MYH9: variants seen among roughly 807,000 people sequenced by gnomAD.
MYH9 encodes the protein myosin heavy chain 9, also known as myosin-9.
Under a neutral mutation model 241.9 loss-of-function variants are expected in MYH9, and 29 were observed. The ratio of observed to expected loss-of-function variants is 0.12; its 90% CI spans 0.09 to 0.16. The LOEUF is 0.16. Among genes scored for constraint, MYH9 ranks in the 10% least tolerant of loss-of-function variants. The probability of loss-of-function intolerance (pLI) is 1.00; values close to 1 mark genes in which losing one functional copy is unlikely to be tolerated. For missense variants in MYH9, 1,803 were observed against 2,595.5 expected (o/e 0.69, Z 6.63); for synonymous variants, 1,047 against 1,062.6 (o/e 0.99, Z 0.29).
chr22:36,303,800 A>G (rs866451472), intron 19 of MYH9, among the ~76,000 whole-genome samples, 195 bp downstream of exon 19: 50 of 151,644 alleles, frequency 3.3e-4, no homozygotes, highest in South Asian at 8.3e-4. Flanking sequence ...AAAAAAAAAA[A>G]AAAGAAAAAA....
chr22:36,292,272 G>T, intron 30 of MYH9, 38 bp from the exon 31 acceptor site: 9 of 1,611,726 alleles, frequency 5.6e-6, no homozygotes, highest in Non-Finnish European at 7.6e-6. Flanking sequence ...GCCCGAGATG[G>T]CACCTGCTCA....
rs1395501700 is a variant in MYH9, at chr22:36,294,167, C to G, written c.3762G>C (p.Leu1254=). 1 of 1,613,574 alleles carries G rather than the reference C, an allele frequency of 6.2e-7. No individual in the cohort carries two copies. The highest frequency in any genetic ancestry group is 8.5e-7 in the Non-Finnish European group (1 of 1,180,042). ...CGTTGAACTTGACCTGCAGCTCCTG[C>G]AGCTGCGCCTCCACTTTCTTGCGCT... is the stretch of plus-strand genomic sequence containing the variant. ...EHKRKKVEAQ[L]QELQVKFNEG... The change falls in exon 28 of 41, where the codon CTG becomes CTC. Residue 1254 remains leucine, a synonymous_variant. Coordinates refer to ENST00000216181, the MANE Select transcript of MYH9 (RefSeq NM_002473.6).
chr22:36,384,979 G>A (rs2018329323), intron 1 of MYH9, among the ~76,000 whole-genome samples: 1 of 152,016 alleles, frequency 6.6e-6, no homozygotes, highest in African/African-American at 2.4e-5. Flanking sequence ...AAGGGTTAAG[G>A]CTGAGAGGCA....
At chr22:36,298,781 C>T in intron 24 of MYH9, 138 bp downstream of exon 24, 3 of 1,321,758 alleles carry the variant, frequency 2.3e-6, no homozygotes, top group Non-Finnish European at 2.1e-6. Context: ...TAAAGGGCAG[C>T]AGCCAGTGCT....
At chr22:36,366,050 C>T (rs1445735227) in intron 1 of MYH9, among the ~76,000 whole-genome samples, 3 of 151,832 alleles carry the variant, frequency 2.0e-5, no homozygotes, top group Admixed American at 1.3e-4. Context: ...TAGCCAGGCA[C>T]GGTGGTGGGC....
chr22:36,380,875 G>C (rs533811466), intron 1 of MYH9, among the ~76,000 whole-genome samples: 1 of 152,318 alleles, frequency 6.6e-6, no homozygotes, highest in Non-Finnish European at 1.5e-5. Flanking sequence ...TGGAAACCTT[G>C]CAAGAGGGTA....
intron 1 of MYH9, among the ~76,000 whole-genome samples, chr22:36,367,426 A>G (rs756499500): frequency 1.9e-4 from 29 of 152,344 alleles, no homozygotes; most frequent in South Asian, 6.2e-4. Flanking sequence ...AGCCCTGGAC[A>G]TATAGAAGGC....
chr22:36,357,617 GT>G (rs2017876586), intron 1 of MYH9, among the ~76,000 whole-genome samples: 1 of 152,278 alleles, frequency 6.6e-6, no homozygotes, highest in Admixed American at 6.5e-5. Context: ...GATTGAAGGG[GT>G]TCGTGTGAAC....
chr22:36,282,924 A>C, intron 40 of MYH9, 139 bp from the exon 41 acceptor site: 1 of 747,362 alleles, frequency 1.3e-6, no homozygotes. Context: ...AGCAAAGTGG[A>C]GTCTTGGGAG....
At chr22:36,346,138 T>C (rs1399856507) in intron 2 of MYH9, among the ~76,000 whole-genome samples, 4 of 132,288 alleles carry the variant, frequency 3.0e-5, no homozygotes, top group African/African-American at 1.2e-4. Flanking sequence ...GGTGACAAAG[T>C]GAGACTCCGT....
At chr22:36,326,267 A>C (rs1329875634) in intron 5 of MYH9, among the ~76,000 whole-genome samples, 1 of 152,198 alleles carries the variant, frequency 6.6e-6, no homozygotes, top group Non-Finnish European at 1.5e-5. Flanking sequence ...CAGCCTCAGA[A>C]GGGGAGGACA....
intron 15 of MYH9, among the ~76,000 whole-genome samples, chr22:36,308,427 G>C (rs938394621): frequency 2.7e-5 from 4 of 150,572 alleles, no homozygotes; most frequent in African/African-American, 4.9e-5. Flanking sequence ...ATCACACCCA[G>C]CTGATTTTTT....
At chr22:36,362,447 T>A (rs1380290009) in intron 1 of MYH9, among the ~76,000 whole-genome samples, 1 of 152,100 alleles carries the variant, frequency 6.6e-6, no homozygotes, top group Non-Finnish European at 1.5e-5. Context: ...TGGGGTGTCC[T>A]CCACTAAGAT....
chr22:36,331,626 G>C (rs1166230273), intron 3 of MYH9, among the ~76,000 whole-genome samples: 1 of 152,330 alleles, frequency 6.6e-6, no homozygotes, highest in East Asian at 1.9e-4. Context: ...AGGCCACGAG[G>C]CTCGCAGAGC....
intron 19 of MYH9, among the ~76,000 whole-genome samples, chr22:36,303,557 C>T (rs572834119): frequency 2.7e-4 from 41 of 151,822 alleles, no homozygotes; most frequent in Non-Finnish European, 4.4e-5. Context: ...CTGAGGTGGG[C>T]GGATCACTTG....
chr22:36,385,816 G>A (rs905366371), intron 1 of MYH9, among the ~76,000 whole-genome samples: 1 of 152,176 alleles, frequency 6.6e-6, no homozygotes, highest in African/African-American at 2.4e-5. Flanking sequence ...ATTACACTGA[G>A]CAATCTCTCC....
At chr22:36,289,426 C>A in intron 31 of MYH9, 129 bp from the exon 32 acceptor site, 1 of 821,394 alleles carries the variant, frequency 1.2e-6, no homozygotes, top group Non-Finnish European at 1.9e-6. Context: ...CTAGGAAGCA[C>A]AGGCCCAGGG....
At chr22:36,351,055 A>G (rs932428949) in intron 1 of MYH9, among the ~76,000 whole-genome samples, 7 of 152,206 alleles carry the variant, frequency 4.6e-5, no homozygotes, top group African/African-American at 1.7e-4. Context: ...GGCTGGGGGC[A>G]TGGGAGGGAA....
rs1569534633 is a variant in MYH9 at position 36,284,095 on chromosome 22, G to C, written c.5763C>G (p.Leu1921=). ...GGCGGGTGGGCAGGGCGGCTCACCT[G>C]AGCTTGTTCTTTAGGGAGCTGACTT... The part of the protein sequence containing the change: ...NREVSSLKNK[L]RRGDLPFVVP... Residue 1921 remains leucine (L), a splice_region_variant and synonymous_variant, in exon 40 of 41, where the codon CTC becomes CTG. Coordinates refer to ENST00000216181, the MANE Select transcript of MYH9 (RefSeq NM_002473.6). The C allele has an allele frequency of 6.2e-7, 1 of 1,614,056 alleles. No individual in the cohort carries two copies.
Sources: gnomAD v4.1 joint callset for allele counts (sites outside exome capture counted in the v4.1 genomes callset) on GRCh38, gnomAD v4.1.1 for gene constraint, MANE v1.5 for transcripts, NCBI Gene and HGNC (gene_info 2026-07-23, HGNC 2026-07-21) for gene names.